Variants in ANXA7 observed in about 807,000 individuals in gnomAD.
ANXA7 encodes the protein annexin VII.
Under a neutral mutation model 64.9 loss-of-function variants are expected in ANXA7, and 55 were observed. That is an observed-to-expected ratio of 0.85 (90% CI 0.68 to 1.06). The LOEUF is 1.06. Ranked by LOEUF, ANXA7 falls within the 50% of genes least tolerant of loss-of-function variation. The pLI, the probability that ANXA7 is intolerant of heterozygous loss-of-function variation, is 0.00. For missense variants in ANXA7, 548 were observed against 582.1 expected (o/e 0.94, Z 0.60); for synonymous variants, 200 against 192.4 (o/e 1.04, Z -0.33).
intron 7 of ANXA7, among the ~76,000 whole-genome samples, chr10:73,384,964 G>T (rs1386797696): frequency 1.3e-5 from 2 of 151,850 alleles, no homozygotes; most frequent in Non-Finnish European, 2.9e-5. Flanking sequence ...ATTCATTGTG[G>T]AGCTTTAAAA....
intron 1 of ANXA7, among the ~76,000 whole-genome samples, chr10:73,413,788 G>A (rs2055880886): frequency 6.6e-6 from 1 of 152,160 alleles, no homozygotes; most frequent in East Asian, 1.9e-4. Flanking sequence ...CGGACGGAAG[G>A]GCTTCCCGTA....
At chr10:73,376,578 T>C (rs987095970) in intron 12 of ANXA7, among the ~76,000 whole-genome samples, 1 of 152,094 alleles carries the variant, frequency 6.6e-6, no homozygotes, top group African/African-American at 2.4e-5. Context: ...AGTAAAAGGG[T>C]GCAGCTGCTG....
chr10:73,376,690 G>C (rs759941413), intron 12 of ANXA7, among the ~76,000 whole-genome samples: 7 of 151,992 alleles, frequency 4.6e-5, no homozygotes, highest in Non-Finnish European at 8.8e-5. Flanking sequence ...CAAAATAAGT[G>C]AAAGTAGACT....
In ANXA7 at chr10:73,388,369, C is replaced by T. The variant is rs768762847; in HGVS notation, c.481G>A (p.Ala161Thr). Residue 161 changes from alanine (A) to threonine (T), a missense_variant, in exon 6 of 13, where the codon GCC (alanine) becomes ACC (threonine). Transcript: ENST00000372921. ...GCATCTCTTATAGCATCGAAGTTGGCAGCTGGTCGGATAGTTCCTTGAGTG... is the reference window on the plus strand; with the variant it reads ...GCATCTCTTATAGCATCGAAGTTGGTAGCTGGTCGGATAGTTCCTTGAGTG... ...QVTQGTIRPAANFDAIRDAEI... is the reference protein window; with the variant it reads ...QVTQGTIRPATNFDAIRDAEI... The T allele has an allele frequency of 1.6e-5, 26 of 1,614,020 alleles. No homozygotes were observed. The highest frequency in any genetic ancestry group is 2.2e-5 in the Non-Finnish European group (26 of 1,179,928).
chr10:73,410,538 C>T (rs941792514), intron 1 of ANXA7, among the ~76,000 whole-genome samples: 6 of 152,112 alleles, frequency 3.9e-5, no homozygotes, highest in African/African-American at 1.4e-4. Context: ...AATCCCAGCA[C>T]TTTGGGAGGC....
chr10:73,398,365 A>C lies in ANXA7; in HGVS notation c.75T>G (p.Ser25=). The change falls in exon 3 of 13, where the codon TCT becomes TCG. Residue 25 remains serine (S), a synonymous_variant. Transcript: ENST00000372921. ...PGYPPAGQES[S]FPPSGQYPYP... The stretch of plus-strand genomic sequence containing the variant: ...AAGGATACTGACCAGAAGGGGGAAA[A>C]GATGACTCCTGACCTGCAGGCTGAA... The C allele has an allele frequency of 6.2e-7, 1 of 1,613,958 alleles. No individual in the cohort carries two copies. The highest frequency in any genetic ancestry group is 8.5e-7 in the Non-Finnish European group (1 of 1,179,892).
intron 5 of ANXA7, among the ~76,000 whole-genome samples, chr10:73,392,578 TA>T (rs757891471): frequency 5.3e-5 from 8 of 152,156 alleles, no homozygotes; most frequent in Non-Finnish European, 1.0e-4. Context: ...ATCCAGCATA[TA>T]AACAGAACCA....
Position 73,394,187 on chromosome 10 carries a change from C to T in ANXA7, c.435+2332G>A, listed in dbSNP as rs542343957. ...TATCATCTCACACCAGTTAGAATGG[C>T]GATCATTAAAAAGTCAGCAAACAAC... is the stretch of plus-strand genomic sequence containing the variant. On this transcript the variant is annotated intron_variant, in intron 5 of 12. Coordinates refer to ENST00000372921, the MANE Select transcript of ANXA7 (RefSeq NM_001156.5). Among the ~76,000 whole-genome samples, 44 of 152,188 alleles carry T rather than the reference C, an allele frequency of 2.9e-4. No homozygotes were observed. The South Asian group carries it at 5.0e-3, about 17-fold the overall frequency.
intron 1 of ANXA7, among the ~76,000 whole-genome samples, chr10:73,402,063 T>C (rs1435238053): frequency 6.6e-6 from 1 of 152,216 alleles, no homozygotes; most frequent in African/African-American, 2.4e-5. Context: ...TAAAAAGTCC[T>C]TTCTAGGTGC....
At chr10:73,405,173 G>A (rs1316575526) in intron 1 of ANXA7, among the ~76,000 whole-genome samples, 1 of 151,358 alleles carries the variant, frequency 6.6e-6, no homozygotes, top group Non-Finnish European at 1.5e-5. Context: ...AACCCAGGAG[G>A]TGGAGGTTGC....
At chr10:73,395,666 A>T (rs2055557723) in intron 5 of ANXA7, among the ~76,000 whole-genome samples, 1 of 152,018 alleles carries the variant, frequency 6.6e-6, no homozygotes, top group Non-Finnish European at 1.5e-5. Context: ...TGCGCCTGTA[A>T]TCCCAGTTAC....
At chr10:73,402,319 C>T (rs939398521) in intron 1 of ANXA7, among the ~76,000 whole-genome samples, 14 of 152,004 alleles carry the variant, frequency 9.2e-5, no homozygotes, top group African/African-American at 3.4e-4. Context: ...ACCCCCCCTC[C>T]CCACCCCGTA....
At chr10:73,384,116 G>A (rs369099842) in intron 7 of ANXA7, among the ~76,000 whole-genome samples, 13 of 149,692 alleles carry the variant, frequency 8.7e-5, no homozygotes, top group South Asian at 2.1e-4. Flanking sequence ...GCAAGACTCC[G>A]TCTCAAAAAA....
intron 7 of ANXA7, among the ~76,000 whole-genome samples, chr10:73,385,399 T>C (rs1264241725): frequency 6.6e-6 from 1 of 152,168 alleles, no homozygotes; most frequent in Non-Finnish European, 1.5e-5. Flanking sequence ...ACTTGAATGG[T>C]AACAATGGAA....
At chr10:73,381,207 G>A (rs750468831) in intron 9 of ANXA7, among the ~76,000 whole-genome samples, 68 of 151,986 alleles carry the variant, frequency 4.5e-4, no homozygotes, top group Non-Finnish European at 7.1e-4. Context: ...CTCAGCCATC[G>A]AATTATAATC....
chr10:73,401,782 G>A lies in ANXA7; in HGVS notation c.-1-925C>T, dbSNP rs192573789. On this transcript the variant is annotated intron_variant, in intron 1 of 12. Transcript: ENST00000372921. Reference sequence around the variant, plus strand: ...CTCCCAAAGTGCTGGGATTACAGGCGTAAGCCACCTCACCCGGCCAAGGCT... The same window carrying A: ...CTCCCAAAGTGCTGGGATTACAGGCATAAGCCACCTCACCCGGCCAAGGCT... 3.8e-3 allele frequency among the ~76,000 whole-genome samples: 579 copies of A among 151,124 alleles called. 5 individuals carry two copies. The highest frequency in any genetic ancestry group is 0.014 in the African/African-American group (559 of 40,982).
intron 2 of ANXA7, among the ~76,000 whole-genome samples, chr10:73,398,689 C>A (rs1232489203): frequency 1.3e-5 from 2 of 151,810 alleles, no homozygotes; most frequent in Admixed American, 1.3e-4. Flanking sequence ...AAAAAAAACT[C>A]ATCAGTTCCT....
At chr10:73,413,272 C>T (rs907184748) in intron 1 of ANXA7, among the ~76,000 whole-genome samples, 1 of 152,204 alleles carries the variant, frequency 6.6e-6, no homozygotes. Flanking sequence ...ACTCATTACA[C>T]TCATCATCTA....
intron 2 of ANXA7, among the ~76,000 whole-genome samples, chr10:73,400,042 C>T (rs2055636284): frequency 6.6e-6 from 1 of 151,640 alleles, no homozygotes; most frequent in African/African-American, 2.4e-5. Context: ...ACTCGGGAGG[C>T]TGAGGCAGGA....
Sources: allele counts gnomAD v4.1 joint callset (sites outside exome capture counted in the v4.1 genomes callset), GRCh38; gene constraint gnomAD v4.1.1; transcripts MANE v1.5; gene names NCBI Gene and HGNC (gene_info 2026-07-23, HGNC 2026-07-21).